The following PLCXD3 variants were observed in gnomAD, a reference collection of about 807,000 sequenced individuals.
PLCXD3 encodes PI-PLC X domain-containing protein 3.
A neutral mutation model predicts 25.5 loss-of-function variants in PLCXD3; 19 were observed. The ratio of observed to expected loss-of-function variants is 0.75; its 90% CI spans 0.52 to 1.09. The LOEUF is 1.09. PLCXD3 is among the 50% of genes least tolerant of loss of function. The pLI is 0.00. For missense variants in PLCXD3, 411 were observed against 388.1 expected (o/e 1.06, Z -0.50); for synonymous variants, 174 against 137.6 (o/e 1.26, Z -1.85).
chr5:41,455,830 T>C (rs775559645), intron 1 of PLCXD3, among the ~76,000 whole-genome samples: 3 of 151,880 alleles, frequency 2.0e-5, no homozygotes, highest in Non-Finnish European at 4.4e-5. Context: ...CAAGAGGAAA[T>C]TTCAGGAAGC....
At chr5:41,356,683 T>G (rs546046316) in intron 2 of PLCXD3, among the ~76,000 whole-genome samples, 3 of 152,318 alleles carry the variant, frequency 2.0e-5, no homozygotes, top group Non-Finnish European at 4.4e-5. Flanking sequence ...AACAAACCTT[T>G]TTGCCATTAA....
intron 1 of PLCXD3, among the ~76,000 whole-genome samples, chr5:41,411,048 C>A (rs550725348): frequency 1.5e-4 from 23 of 152,220 alleles, no homozygotes; most frequent in African/African-American, 5.5e-4. Context: ...TAGATAAAAA[C>A]AAGTCCATAT....
Position 41,382,329 on chromosome 5 carries a change from G to T in PLCXD3, c.309C>A (p.Pro103=), listed in dbSNP as rs947816679. ...RYFDLRISTK[P]RDPDNELYFA... is the part of the protein sequence containing the mutation. ...AATAGAGTTCATTGTCGGGGTCTCT[G>T]GGCTTGGTGGAAATTCGAAGATCAA... is the stretch of plus-strand genomic sequence containing the variant. Residue 103 remains proline, a synonymous_variant, in exon 2 of 3, where the codon CCC becomes CCA. Coordinates refer to ENST00000377801, the MANE Select transcript of PLCXD3 (RefSeq NM_001005473.3). 1 of 1,613,560 alleles carries T rather than the reference G, an allele frequency of 6.2e-7. No homozygotes were observed. The highest frequency in any genetic ancestry group is 8.5e-7 in the Non-Finnish European group (1 of 1,179,728).
At chr5:41,499,133 T>A (rs1748899133) in intron 1 of PLCXD3, among the ~76,000 whole-genome samples, 1 of 151,396 alleles carries the variant, frequency 6.6e-6, no homozygotes, top group African/African-American at 2.4e-5. Context: ...AACATAATAC[T>A]ATACACCCTA....
At chr5:41,365,910 CATTTATTT>C (rs71608604) in intron 2 of PLCXD3, among the ~76,000 whole-genome samples, 28,823 of 147,420 alleles carry the variant, frequency 0.2, 2,993 homozygotes, top group South Asian at 0.32. Flanking sequence ...AATAGGTCAC[CATTTATTT>C]ATTTATTTAT....
chr5:41,484,804 A>C (rs2150523724), intron 1 of PLCXD3, among the ~76,000 whole-genome samples: 1 of 152,328 alleles, frequency 6.6e-6, no homozygotes, highest in East Asian at 1.9e-4. Context: ...TATTGTTCTT[A>C]ATCCAATAGC....
intron 1 of PLCXD3, among the ~76,000 whole-genome samples, chr5:41,457,934 C>T (rs1249955618): frequency 6.6e-6 from 1 of 151,826 alleles, no homozygotes; most frequent in Non-Finnish European, 1.5e-5. Flanking sequence ...AAATACAGGG[C>T]TGCGTGTTAC....
chr5:41,417,669 T>C (rs1746724963), intron 1 of PLCXD3, among the ~76,000 whole-genome samples: 1 of 152,214 alleles, frequency 6.6e-6, no homozygotes, highest in South Asian at 2.1e-4. Context: ...ACTGACCTTT[T>C]CCCTGATGAT....
chr5:41,406,422 A>C (rs1746352351), intron 1 of PLCXD3, among the ~76,000 whole-genome samples: 1 of 152,156 alleles, frequency 6.6e-6, no homozygotes, highest in African/African-American at 2.4e-5. Context: ...TGTCCCAAAC[A>C]GACTTTAGTA....
At chr5:41,325,254 T>G (rs1743593491) in intron 2 of PLCXD3, among the ~76,000 whole-genome samples, 1 of 152,168 alleles carries the variant, frequency 6.6e-6, no homozygotes, top group African/African-American at 2.4e-5. Context: ...TATTTTCTGT[T>G]CAGGCATACG....
intron 2 of PLCXD3, among the ~76,000 whole-genome samples, chr5:41,381,144 A>C (rs1745446953): frequency 6.6e-6 from 1 of 152,146 alleles, no homozygotes. Flanking sequence ...TCTACTTCTC[A>C]GTGTTGTTAT....
chr5:41,436,396 C>T (rs550466673), intron 1 of PLCXD3, among the ~76,000 whole-genome samples: 1 of 152,166 alleles, frequency 6.6e-6, no homozygotes, highest in Admixed American at 6.6e-5. Flanking sequence ...TACTTAATGT[C>T]TCTAAGCCTT....
At chr5:41,467,371 AAGTCC>A (rs1748042461) in intron 1 of PLCXD3, among the ~76,000 whole-genome samples, 1 of 152,190 alleles carries the variant, frequency 6.6e-6, no homozygotes, top group Non-Finnish European at 1.5e-5. Flanking sequence ...ATGTGTGTTC[AAGTCC>A]TTTGTCCATT....
rs550659064 is a variant in PLCXD3, at chr5:41,393,697, A to T, written c.104-11163T>A. Among the ~76,000 whole-genome samples, 3 of 152,238 alleles carry T rather than the reference A, an allele frequency of 2.0e-5. No individual in the cohort carries two copies. In the South Asian group the frequency reaches 6.2e-4, roughly 32 times the overall value. On this transcript the variant is annotated intron_variant, in intron 1 of 2. Coordinates refer to ENST00000377801, the MANE Select transcript of PLCXD3 (RefSeq NM_001005473.3). Reference sequence around the variant, plus strand: ...CACTTTGGGAGGCTGAGGTGGGTGGATCACAAGGTCAGGAGATCGAGACCA... The same window carrying T: ...CACTTTGGGAGGCTGAGGTGGGTGGTTCACAAGGTCAGGAGATCGAGACCA...
At chr5:41,383,984 TA>T (rs1401614990) in intron 1 of PLCXD3, among the ~76,000 whole-genome samples, 1 of 152,100 alleles carries the variant, frequency 6.6e-6, no homozygotes, top group Non-Finnish European at 1.5e-5. Context: ...CACAAGTGCC[TA>T]AATTTCAGAC....
Position 41,313,369 on chromosome 5 carries a change from T to C in PLCXD3, c.*248A>G. On this transcript the variant is annotated 3_prime_UTR_variant, in exon 3 of 3. Transcript: ENST00000377801. ...GACTAATTTTGAAAAACAAAGTTAC[T>C]GGTCTTTTTTTTTTATTCCTAACAC... 1 of 431,252 alleles carries C rather than the reference T, an allele frequency of 2.3e-6. No homozygotes were observed. Among genetic ancestry groups the C allele is most frequent in the Non-Finnish European group, 4.1e-6 (1 of 243,610 alleles). The allele number at this position is 431,252 out of a possible 1,614,324, so 26.7% of individuals were successfully genotyped here. A position where few individuals can be genotyped will look rare whatever the true frequency, so the allele number is the denominator to read the frequency against.
At chr5:41,448,038 A>G (rs1441329101) in intron 1 of PLCXD3, among the ~76,000 whole-genome samples, 1 of 152,206 alleles carries the variant, frequency 6.6e-6, no homozygotes. Context: ...GCCTATTCTC[A>G]GGCTCTGGTG....
chr5:41,392,133 C>T (rs1342730627), intron 1 of PLCXD3, among the ~76,000 whole-genome samples: 2 of 152,222 alleles, frequency 1.3e-5, no homozygotes, highest in African/African-American at 4.8e-5. Flanking sequence ...TACCTGTCTG[C>T]TCTGAAGGGA....
At chr5:41,508,355 T>A (rs1474000748) in intron 1 of PLCXD3, among the ~76,000 whole-genome samples, 1 of 152,218 alleles carries the variant, frequency 6.6e-6, no homozygotes, top group African/African-American at 2.4e-5. Flanking sequence ...TGCTGCTGAA[T>A]CATCCAGATA....
Sources: allele counts gnomAD v4.1 joint callset (sites outside exome capture counted in the v4.1 genomes callset), GRCh38; gene constraint gnomAD v4.1.1; transcripts MANE v1.5; gene names NCBI Gene and HGNC (gene_info 2026-07-23, HGNC 2026-07-21).